CNTNAP2: variants seen among roughly 807,000 people sequenced by gnomAD.
The protein encoded by CNTNAP2 is contactin associated protein 2, also known as contactin-associated protein-like 2.
A neutral mutation model predicts 155.2 loss-of-function variants in CNTNAP2; 98 were observed. That is an observed-to-expected ratio of 0.63 (90% CI 0.54 to 0.75). The LOEUF (loss-of-function observed/expected upper bound fraction) is 0.75. Among genes scored for constraint, CNTNAP2 ranks in the 30% least tolerant of loss-of-function variants. The pLI is 0.00. For synonymous variants in CNTNAP2, 651 were observed against 631.2 expected, an observed-to-expected ratio of 1.03 and a Z score of -0.47; for missense variants, 1,727 against 1,688.1, an observed-to-expected ratio of 1.02 and a Z score of -0.40.
intron 1 of CNTNAP2, among the ~76,000 whole-genome samples, chr7:146,382,348 A>C (rs541020001): frequency 6.6e-6 from 1 of 152,314 alleles, no homozygotes; most frequent in South Asian, 2.1e-4. Context: ...GGAATAAAAT[A>C]ATTTTCATGA....
chr7:147,057,579 T>C (rs1799585677), intron 4 of CNTNAP2, among the ~76,000 whole-genome samples: 1 of 152,192 alleles, frequency 6.6e-6, no homozygotes, highest in Non-Finnish European at 1.5e-5. Flanking sequence ...TGGAATCTTT[T>C]GCAACATCCC....
At chr7:148,410,867 G>A (rs1034341680) in intron 23 of CNTNAP2, among the ~76,000 whole-genome samples, 6 of 152,102 alleles carry the variant, frequency 3.9e-5, no homozygotes, top group Admixed American at 2.6e-4. Context: ...AACAAGTTCC[G>A]GGTTTGCTAG....
At chr7:148,173,230 A>C (rs1413042729) in intron 18 of CNTNAP2, among the ~76,000 whole-genome samples, 3 of 152,180 alleles carry the variant, frequency 2.0e-5, no homozygotes, top group African/African-American at 7.2e-5. Flanking sequence ...AAATTGACTC[A>C]ACTGGTCTGT....
intron 3 of CNTNAP2, among the ~76,000 whole-genome samples, chr7:146,956,970 T>A (rs889798329): frequency 6.6e-6 from 1 of 152,200 alleles, no homozygotes. Flanking sequence ...GGATACCTTT[T>A]GAGAACTGCG....
chr7:146,525,535 T>C (rs866691062), intron 1 of CNTNAP2, among the ~76,000 whole-genome samples: 77 of 102,158 alleles, frequency 7.5e-4, no homozygotes, highest in African/African-American at 3.2e-3. Flanking sequence ...TTTCAGTTTA[T>C]CTATCTATCT....
intron 3 of CNTNAP2, among the ~76,000 whole-genome samples, chr7:147,027,866 C>T (rs565047705): frequency 2.0e-5 from 3 of 152,292 alleles, no homozygotes; most frequent in East Asian, 3.9e-4. Context: ...AGGAGGATGG[C>T]AGCATCAGCA....
chr7:146,846,571 A>G (rs1368077469), intron 3 of CNTNAP2, among the ~76,000 whole-genome samples: 1 of 152,266 alleles, frequency 6.6e-6, no homozygotes, highest in East Asian at 1.9e-4. Context: ...TAATGCATCT[A>G]CTAGTGAATT....
At chr7:146,625,738 G>GT (rs1186317054) in intron 1 of CNTNAP2, among the ~76,000 whole-genome samples, 1 of 152,002 alleles carries the variant, frequency 6.6e-6, no homozygotes, top group East Asian at 1.9e-4. Flanking sequence ...AAAAGACCAT[G>GT]TTTTTTTAAT....
intron 1 of CNTNAP2, among the ~76,000 whole-genome samples, chr7:146,710,791 A>G (rs1801053188): frequency 6.6e-6 from 1 of 152,136 alleles, no homozygotes; most frequent in African/African-American, 2.4e-5. Flanking sequence ...ATCAGTCACC[A>G]TTTGAAAACT....
chr7:147,053,906 A>G (rs946429869), intron 4 of CNTNAP2, among the ~76,000 whole-genome samples: 2 of 152,154 alleles, frequency 1.3e-5, no homozygotes, highest in Non-Finnish European at 2.9e-5. Context: ...GTACTCTATA[A>G]GAACTTCAAA....
intron 13 of CNTNAP2, among the ~76,000 whole-genome samples, chr7:147,856,353 T>C (rs1799039871): frequency 6.6e-6 from 1 of 152,162 alleles, no homozygotes; most frequent in Non-Finnish European, 1.5e-5. Context: ...ATGTGTGCCC[T>C]GGCACTTTTC....
At chr7:147,774,565 A>G (rs1214433162) in intron 13 of CNTNAP2, among the ~76,000 whole-genome samples, 2 of 152,128 alleles carry the variant, frequency 1.3e-5, no homozygotes, top group African/African-American at 4.8e-5. Flanking sequence ...AGGTTAAATG[A>G]GGTCATAAGG....
In CNTNAP2 at chr7:147,462,466, C is replaced by T. The variant is rs115499218; in HGVS notation, c.1671-23469C>T. Among the ~76,000 whole-genome samples, 345 of 152,254 alleles carry T rather than the reference C, an allele frequency of 2.3e-3. 2 individuals carry two copies. The highest frequency in any genetic ancestry group is 8.0e-3 in the African/African-American group (331 of 41,550). On this transcript the variant is annotated intron_variant, in intron 10 of 23. Coordinates refer to ENST00000361727, the MANE Select transcript of CNTNAP2 (RefSeq NM_014141.6). ...CATTTCATTTTCCAGCCCCTATTAA[C>T]GTTAGCCAATTTACTTATACAGTCA...
At chr7:148,261,497 C>T (rs1265409295) in intron 20 of CNTNAP2, among the ~76,000 whole-genome samples, 3 of 152,168 alleles carry the variant, frequency 2.0e-5, no homozygotes, top group Non-Finnish European at 2.9e-5. Flanking sequence ...TCAAAATTGT[C>T]CCCATCTCAA....
At chr7:148,189,627 C>G (rs933964270) in intron 18 of CNTNAP2, among the ~76,000 whole-genome samples, 2 of 152,152 alleles carry the variant, frequency 1.3e-5, no homozygotes, top group Non-Finnish European at 2.9e-5. Flanking sequence ...ACGACATCCC[C>G]TCGATCTTGA....
At chr7:147,225,873 GGGAAAGAA>G (rs973341279) in intron 8 of CNTNAP2, among the ~76,000 whole-genome samples, 1 of 30,176 alleles carries the variant, frequency 3.3e-5, no homozygotes, top group Non-Finnish European at 6.5e-5. Context: ...GAAGGAAGGA[GGGAAAGAA>G]GGAAGGAAGG....
chr7:146,275,746 C>A (rs1282613600), intron 1 of CNTNAP2, among the ~76,000 whole-genome samples: 2 of 152,310 alleles, frequency 1.3e-5, no homozygotes, highest in East Asian at 3.9e-4. Flanking sequence ...AGGCACAATA[C>A]TAGTCGATTT....
chr7:148,218,145 T>C (rs1230448307), intron 19 of CNTNAP2, among the ~76,000 whole-genome samples: 1 of 152,188 alleles, frequency 6.6e-6, no homozygotes, highest in Non-Finnish European at 1.5e-5. Flanking sequence ...AAAAGACTAA[T>C]AAGAAAGACT....
At chr7:147,873,104 C>T (rs1047015789) in intron 13 of CNTNAP2, among the ~76,000 whole-genome samples, 1 of 152,098 alleles carries the variant, frequency 6.6e-6, no homozygotes, top group African/African-American at 2.4e-5. Flanking sequence ...TAAATCTATC[C>T]TGATAGACAG....
Sources: gnomAD v4.1 joint callset for allele counts (sites outside exome capture counted in the v4.1 genomes callset) on GRCh38, gnomAD v4.1.1 for gene constraint, MANE v1.5 for transcripts, NCBI Gene and HGNC (gene_info 2026-07-23, HGNC 2026-07-21) for gene names.